WWOX: variants seen among roughly 807,000 people sequenced by gnomAD.
The protein encoded by WWOX is WW domain containing oxidoreductase, also known as WW domain-containing oxidoreductase.
A neutral mutation model predicts 46.2 loss-of-function variants in WWOX; 69 were observed. The observed-to-expected ratio is 1.49, with a 90% confidence interval of 1.23 to 1.82. The LOEUF is 1.82. Among genes scored for constraint, WWOX ranks in the 40% most tolerant of loss-of-function variants. The pLI is 0.00. For missense variants in WWOX, 919 were observed against 542.6 expected (o/e 1.69, Z -6.89); for synonymous variants, 359 against 202.6 (o/e 1.77, Z -6.56).
intron 6 of WWOX, among the ~76,000 whole-genome samples, chr16:78,395,586 T>C (rs1464435749): frequency 2.0e-5 from 3 of 151,946 alleles, no homozygotes; most frequent in African/African-American, 7.3e-5. Flanking sequence ...GGCCCAGGAA[T>C]GATCTTTACA....
intron 8 of WWOX, among the ~76,000 whole-genome samples, chr16:78,490,630 A>C (rs2084759504): frequency 6.6e-6 from 1 of 152,148 alleles, no homozygotes; most frequent in Admixed American, 6.5e-5. Context: ...CGATCCTCTG[A>C]TTGCTCAGAT....
At chr16:78,515,706 G>C (rs1166105454) in intron 8 of WWOX, among the ~76,000 whole-genome samples, 1 of 152,198 alleles carries the variant, frequency 6.6e-6, no homozygotes. Context: ...TCACCTGCCA[G>C]ACTGCGCGTT....
At chr16:79,163,547 C>G (rs140570223) in intron 8 of WWOX, among the ~76,000 whole-genome samples, 3 of 152,062 alleles carry the variant, frequency 2.0e-5, no homozygotes, top group Admixed American at 6.6e-5. Context: ...ACCTGTAATC[C>G]CAGCACTTTG....
rs73570421 is a variant in WWOX at position 78,217,801 on chromosome 16, C to T, written c.516+53512C>T. On this transcript the variant is annotated intron_variant, in intron 5 of 8. Transcript: ENST00000566780. ...TAAATAATTCTGTGTGCTGTGCAGGCCGTGGAGACTCATCTTCTGCACAGG... is the reference window on the plus strand; with the variant it reads ...TAAATAATTCTGTGTGCTGTGCAGGTCGTGGAGACTCATCTTCTGCACAGG... 5.3e-3 allele frequency among the ~76,000 whole-genome samples: 813 copies of T among 152,002 alleles called. 8 individuals are homozygous for T. Among genetic ancestry groups the T allele is most frequent in the African/African-American group, 0.018 (751 of 41,454 alleles).
intron 8 of WWOX, among the ~76,000 whole-genome samples, chr16:79,075,115 A>G (rs1174323652): frequency 6.6e-6 from 1 of 152,196 alleles, no homozygotes; most frequent in Non-Finnish European, 1.5e-5. Context: ...TTCTCAAAAT[A>G]TAATTCCTGA....
At chr16:78,310,529 C>G in intron 5 of WWOX, among the ~76,000 whole-genome samples, 1 of 152,190 alleles carries the variant, frequency 6.6e-6, no homozygotes, top group Admixed American at 6.5e-5. Context: ...GCTAAGTGGA[C>G]CTGAATGTAC....
chr16:79,135,900 AT>A (rs1597406385), intron 8 of WWOX, among the ~76,000 whole-genome samples: 1 of 152,102 alleles, frequency 6.6e-6, no homozygotes, highest in Non-Finnish European at 1.5e-5. Context: ...CCAGCTTTCT[AT>A]AAGATTGCTC....
chr16:78,701,238 A>G (rs1257605850), intron 8 of WWOX, among the ~76,000 whole-genome samples: 1 of 152,156 alleles, frequency 6.6e-6, no homozygotes, highest in African/African-American at 2.4e-5. Flanking sequence ...ATGTACATGT[A>G]AAGAACTAGG....
intron 6 of WWOX, among the ~76,000 whole-genome samples, chr16:78,399,358 T>G (rs1161227645): frequency 6.6e-6 from 1 of 152,232 alleles, no homozygotes; most frequent in Non-Finnish European, 1.5e-5. Context: ...CATAGTTGTA[T>G]GTAATCGTAG....
chr16:78,781,706 T>C (rs957336588), intron 8 of WWOX, among the ~76,000 whole-genome samples: 2 of 151,722 alleles, frequency 1.3e-5, no homozygotes, highest in Non-Finnish European at 2.9e-5. Context: ...ACTTGGGAGG[T>C]AGAGGATGCA....
chr16:78,928,875 C>T (rs1295257170), intron 8 of WWOX, among the ~76,000 whole-genome samples: 1 of 152,168 alleles, frequency 6.6e-6, no homozygotes, highest in African/African-American at 2.4e-5. Context: ...TGACTGTAGG[C>T]TTCCTTCGAG....
rs575768092 is a variant in WWOX, at chr16:78,873,850, C to T, written c.1057-337758C>T. Among the ~76,000 whole-genome samples the T allele has an allele frequency of 3.9e-5, 6 of 152,046 alleles. No individual in the cohort carries two copies. The South Asian group carries it at 6.2e-4, about 16-fold the overall frequency. On this transcript the variant is annotated intron_variant, in intron 8 of 8. Coordinates refer to ENST00000566780, the MANE Select transcript of WWOX (RefSeq NM_016373.4). Reference sequence around the variant, plus strand: ...GGAAGGCTATGTTTTTTTGCCAGGCCATGTGCTTAGTCCCTGGGAGTATAG... The same window carrying T: ...GGAAGGCTATGTTTTTTTGCCAGGCTATGTGCTTAGTCCCTGGGAGTATAG...
At chr16:78,720,115 C>T (rs1388895897) in intron 8 of WWOX, among the ~76,000 whole-genome samples, 4 of 152,114 alleles carry the variant, frequency 2.6e-5, no homozygotes, top group Non-Finnish European at 5.9e-5. Context: ...CTCACTCTTG[C>T]TTCTTGGTCT....
At chr16:78,835,454 G>A (rs1042952918) in intron 8 of WWOX, among the ~76,000 whole-genome samples, 1 of 152,160 alleles carries the variant, frequency 6.6e-6, no homozygotes, top group African/African-American at 2.4e-5. Flanking sequence ...GCGCCCATGA[G>A]CATGTTAGTA....
chr16:78,667,557 G>C (rs760158077), intron 8 of WWOX, among the ~76,000 whole-genome samples: 2 of 151,108 alleles, frequency 1.3e-5, no homozygotes, highest in African/African-American at 4.9e-5. Flanking sequence ...TGTAGTCCCA[G>C]CTACTCGGGA....
chr16:78,807,719 A>G (rs1004503648), intron 8 of WWOX, among the ~76,000 whole-genome samples: 3 of 152,236 alleles, frequency 2.0e-5, no homozygotes, highest in Non-Finnish European at 4.4e-5. Context: ...GTACTGTTAC[A>G]TAATTGGGGC....
intron 4 of WWOX, among the ~76,000 whole-genome samples, chr16:78,146,473 G>C (rs1201753166): frequency 6.6e-6 from 1 of 152,166 alleles, no homozygotes; most frequent in Non-Finnish European, 1.5e-5. Flanking sequence ...TGTAAAATCA[G>C]CCTCAGCTGG....
At chr16:78,689,745 G>C (rs1254756575) in intron 8 of WWOX, among the ~76,000 whole-genome samples, 1 of 152,226 alleles carries the variant, frequency 6.6e-6, no homozygotes, top group East Asian at 1.9e-4. Context: ...ATTATATTTG[G>C]AGTTGAGCCC....
rs547275034 is a variant in WWOX at position 78,746,597 on chromosome 16, A to AT, written c.1056+313856dup. 3.0e-3 allele frequency among the ~76,000 whole-genome samples: 446 copies of AT among 147,670 alleles called. 2 individuals are homozygous for AT. The highest frequency in any genetic ancestry group is 0.017 in the Middle Eastern group (5 of 286). On this transcript the variant is annotated intron_variant, in intron 8 of 8. Coordinates refer to ENST00000566780, the MANE Select transcript of WWOX (RefSeq NM_016373.4). ...TGGATTTTTGGCTCTTGGCCTTGTA[A>AT]TTTTTTTTTTTCATGGGATATTAGT...
Sources: allele counts gnomAD v4.1 joint callset (sites outside exome capture counted in the v4.1 genomes callset), GRCh38; gene constraint gnomAD v4.1.1; transcripts MANE v1.5; gene names NCBI Gene and HGNC (gene_info 2026-07-23, HGNC 2026-07-21).